GPC3: variants seen among roughly 807,000 people sequenced by gnomAD.
GPC3 encodes the protein glypican 3.
Under a neutral mutation model 34.4 loss-of-function variants are expected in GPC3, and 3 were observed. The observed-to-expected ratio is 0.09, with a 90% CI of 0.04 to 0.23. The LOEUF is 0.23. GPC3 is among the 10% of genes least tolerant of loss of function. GPC3 has a pLI of 1.00. For synonymous variants in GPC3, 177 were observed against 174.0 expected, an observed-to-expected ratio of 1.02 and a Z score of -0.13; for missense variants, 351 against 445.6, an observed-to-expected ratio of 0.79 and a Z score of 1.91.
In GPC3 at chrX:133,699,901, C is replaced by T. The variant is rs145280221; in HGVS notation, c.1160G>A (p.Arg387Gln). ...GAAAAAAGAAACCTCTCACCTTCTT[C>T]GGCTGGATAAGGTTTCTTCATGTTC... ...HVEHEETLSSRRRELIQKLKS... is the reference protein window; with the variant it reads ...HVEHEETLSSQRRELIQKLKS... Residue 387 changes from arginine to glutamine, a missense_variant, in exon 4 of 8, where the codon CGA (arginine) becomes CAA (glutamine). Transcript: ENST00000370818. The T allele has an allele frequency of 1.5e-5, 18 of 1,201,470 alleles. No homozygotes were observed. The highest frequency in any genetic ancestry group is 1.1e-4 in the African/African-American group (6 of 56,890).
At chrX:133,744,089 G>A (rs993106986) in intron 3 of GPC3, among the ~76,000 whole-genome samples, 10 of 111,895 alleles carry the variant, frequency 8.9e-5, no homozygotes, top group Non-Finnish European at 1.9e-4. Flanking sequence ...ATACCATTCA[G>A]GACATAGGCA....
At chrX:133,849,036 G>T (rs2075859510) in intron 2 of GPC3, among the ~76,000 whole-genome samples, 1 of 106,643 alleles carries the variant, frequency 9.4e-6, no homozygotes, top group Non-Finnish European at 1.9e-5. Context: ...ACAAGAGTTT[G>T]GTTAAATAGC....
chrX:133,737,247 T>C (rs1395691376), intron 3 of GPC3, among the ~76,000 whole-genome samples: 1 of 111,924 alleles, frequency 8.9e-6, no homozygotes, highest in East Asian at 2.8e-4. Flanking sequence ...TTTATAACAG[T>C]GAACCAATTT....
intron 7 of GPC3, among the ~76,000 whole-genome samples, chrX:133,557,289 G>A (rs765631036): frequency 5.4e-5 from 6 of 110,577 alleles, no homozygotes; most frequent in East Asian, 2.8e-4. Flanking sequence ...GCAAGACTCC[G>A]TCTCAAAAAC....
intron 6 of GPC3, among the ~76,000 whole-genome samples, chrX:133,651,686 T>C (rs2070605349): frequency 8.9e-6 from 1 of 111,843 alleles, no homozygotes; most frequent in African/African-American, 3.2e-5. Flanking sequence ...GCCTTCTCTA[T>C]CTTCAGTTAA....
At chrX:133,825,959 C>T (rs1172368410) in intron 2 of GPC3, among the ~76,000 whole-genome samples, 1 of 111,982 alleles carries the variant, frequency 8.9e-6, no homozygotes, top group Non-Finnish European at 1.9e-5. Flanking sequence ...ACTTCAGTGG[C>T]CACACACAGA....
chrX:133,861,801 T>C (rs1289193960), intron 2 of GPC3, among the ~76,000 whole-genome samples: 1 of 111,315 alleles, frequency 9.0e-6, no homozygotes, highest in Non-Finnish European at 1.9e-5. Flanking sequence ...GCCTGCTCCC[T>C]CTTCACCTTC....
chrX:133,581,267 A>G (rs776732165), intron 7 of GPC3, among the ~76,000 whole-genome samples: 5 of 112,439 alleles, frequency 4.4e-5, no homozygotes, highest in Non-Finnish European at 7.5e-5. Flanking sequence ...AAGTTAAGAA[A>G]GTTTCCAAGT....
intron 2 of GPC3, among the ~76,000 whole-genome samples, chrX:133,849,366 T>C (rs1324467166): frequency 9.0e-6 from 1 of 111,382 alleles, no homozygotes; most frequent in East Asian, 2.8e-4. Context: ...AATGCTATAA[T>C]AACTTCCTGA....
intron 2 of GPC3, among the ~76,000 whole-genome samples, chrX:133,842,243 G>C: frequency 1.8e-5 from 2 of 109,041 alleles, no homozygotes. Context: ...GCTTGAACCC[G>C]GGAAGCAGAG....
chrX:133,968,199 C>T (rs183479760), intron 1 of GPC3, among the ~76,000 whole-genome samples: 260 of 112,706 alleles, frequency 2.3e-3, no homozygotes, highest in Non-Finnish European at 3.3e-3. Flanking sequence ...GTTCAAGCCA[C>T]TGGTCTTCCC....
intron 3 of GPC3, among the ~76,000 whole-genome samples, chrX:133,742,305 A>ACT (rs2071570947): frequency 1.8e-5 from 2 of 111,538 alleles, no homozygotes; most frequent in Non-Finnish European, 3.8e-5. Context: ...GTTCAGAGGA[A>ACT]CTCATTCACA....
chrX:133,654,690 C>T (rs189638219), intron 6 of GPC3, among the ~76,000 whole-genome samples: 56 of 108,474 alleles, frequency 5.2e-4, no homozygotes, highest in Non-Finnish European at 9.1e-4. Flanking sequence ...CCAGCCTGAG[C>T]GACTGAGTGA....
intron 2 of GPC3, among the ~76,000 whole-genome samples, chrX:133,879,139 G>A (rs1297662542): frequency 2.7e-5 from 3 of 110,889 alleles, no homozygotes; most frequent in African/African-American, 9.8e-5. Context: ...AGTACATCCA[G>A]GGAGAGATTT....
In GPC3 at chrX:133,812,184, C is replaced by G. The variant is rs12012181; in HGVS notation, c.338-58008G>C. The stretch of plus-strand genomic sequence containing the variant: ...TTTTAATTATTTTTCAAGCTGGAGA[C>G]TGATATAAATGGGTCTAAAGGACTT... On this transcript the variant is annotated intron_variant, in intron 2 of 7. Transcript: ENST00000370818. Among the ~76,000 whole-genome samples the G allele has an allele frequency of 2.1e-3, 231 of 111,773 alleles. 1 individual carries two copies. Among genetic ancestry groups the G allele is most frequent in the African/African-American group, 7.3e-3 (224 of 30,812 alleles).
At chrX:133,680,819 G>A (rs1183013822) in intron 5 of GPC3, among the ~76,000 whole-genome samples, 2 of 111,656 alleles carry the variant, frequency 1.8e-5, no homozygotes, top group African/African-American at 6.5e-5. Flanking sequence ...AATGGTTTAA[G>A]ATGTCTTTGC....
chrX:133,903,148 C>T (rs753560019), intron 2 of GPC3, among the ~76,000 whole-genome samples: 2 of 94,185 alleles, frequency 2.1e-5, no homozygotes, highest in South Asian at 8.7e-4. Context: ...GAGACTCTGT[C>T]TCAAAAAAAA....
At chrX:133,804,013 G>C (rs201952590) in intron 2 of GPC3, among the ~76,000 whole-genome samples, 2 of 86,391 alleles carry the variant, frequency 2.3e-5, no homozygotes, top group South Asian at 5.3e-4. Flanking sequence ...CACACACACA[G>C]ACACACAAAT....
intron 2 of GPC3, among the ~76,000 whole-genome samples, chrX:133,820,654 T>C (rs2075714674): frequency 9.0e-6 from 1 of 110,886 alleles, no homozygotes; most frequent in Admixed American, 9.6e-5. Flanking sequence ...TAAGTTTGGG[T>C]AGAGAAAATG....
Sources: gnomAD v4.1 joint callset for allele counts (sites outside exome capture counted in the v4.1 genomes callset) on GRCh38, gnomAD v4.1.1 for gene constraint, MANE v1.5 for transcripts, NCBI Gene and HGNC (gene_info 2026-07-23, HGNC 2026-07-21) for gene names.